The following KCNMB2 variants were observed in gnomAD, a reference collection of about 807,000 sequenced individuals.
KCNMB2 encodes the protein calcium-activated potassium channel subunit beta-2.
A neutral mutation model predicts 24.5 loss-of-function variants in KCNMB2; 9 were observed. The observed-to-expected ratio is 0.37, with a 90% confidence interval of 0.22 to 0.64. The LOEUF (loss-of-function observed/expected upper bound fraction) is 0.64. KCNMB2 is among the 30% of genes least tolerant of loss of function. KCNMB2 has a pLI of 0.63. For synonymous variants in KCNMB2, 109 were observed against 104.4 expected (o/e 1.04, Z -0.27); for missense variants, 226 against 284.3 (o/e 0.79, Z 1.47).
intron 1 of KCNMB2, among the ~76,000 whole-genome samples, chr3:178,598,280 C>T (rs748647317): frequency 4.6e-5 from 7 of 152,008 alleles, no homozygotes; most frequent in Non-Finnish European, 1.0e-4. Context: ...CAAGAGATAG[C>T]GACATAGCGC....
intron 1 of KCNMB2, among the ~76,000 whole-genome samples, chr3:178,679,027 TTTTTG>T (rs1721170722): frequency 3.4e-5 from 5 of 146,384 alleles, no homozygotes; most frequent in South Asian, 4.6e-4. Flanking sequence ...TATCAGTTTT[TTTTTG>T]TTTGTTTGTT....
chr3:178,735,220 T>C (rs992859271), intron 1 of KCNMB2, among the ~76,000 whole-genome samples: 3 of 152,226 alleles, frequency 2.0e-5, no homozygotes, highest in South Asian at 2.1e-4. Context: ...AGTCTGCCCC[T>C]GGGCAGCATC....
In KCNMB2 at chr3:178,629,241, T is replaced by A. The variant is rs7623144; in HGVS notation, c.-68+92530T>A. Among the ~76,000 whole-genome samples the A allele has an allele frequency of 8.4e-3, 1,274 of 152,274 alleles. 13 individuals are homozygous for A. The highest frequency in any genetic ancestry group is 0.024 in the South Asian group (115 of 4,820). Reference sequence around the variant, plus strand: ...AGTCTTACATTTTTCTGCATTTATATATCTGTTCATTCTACTCATCTGGAT... The same window carrying A: ...AGTCTTACATTTTTCTGCATTTATAAATCTGTTCATTCTACTCATCTGGAT... On this transcript the variant is annotated intron_variant, in intron 1 of 4. Transcript: ENST00000452583.
intron 4 of KCNMB2, among the ~76,000 whole-genome samples, chr3:178,835,787 C>A (rs1204676774): frequency 1.3e-5 from 2 of 151,966 alleles, no homozygotes; most frequent in Admixed American, 6.6e-5. Flanking sequence ...TTTTACAGTA[C>A]ATGTGTGGCC....
rs1025028296 is a variant in KCNMB2 at position 178,652,012 on chromosome 3, C to T, written c.-68+115301C>T. 8.5e-4 allele frequency among the ~76,000 whole-genome samples: 129 copies of T among 152,110 alleles called. 1 individual carries two copies. Among genetic ancestry groups the T allele is most frequent in the African/African-American group, 3.1e-3 (127 of 41,396 alleles). On this transcript the variant is annotated intron_variant, in intron 1 of 4. Transcript: ENST00000452583. ...ATACCATTCAGGACATAGGCATGGG[C>T]AAAGACTTCATGACTAAAACACCAA...
intron 1 of KCNMB2, among the ~76,000 whole-genome samples, chr3:178,556,641 G>A (rs1324176716): frequency 4.6e-5 from 7 of 152,114 alleles, no homozygotes; most frequent in African/African-American, 9.7e-5. Context: ...TGCTGACCTC[G>A]TGATCCACCC....
intron 1 of KCNMB2, among the ~76,000 whole-genome samples, chr3:178,589,651 A>T (rs546951315): frequency 6.6e-6 from 1 of 152,020 alleles, no homozygotes; most frequent in Non-Finnish European, 1.5e-5. Context: ...ACAAATTTTA[A>T]AATATTTTTG....
chr3:178,722,604 C>T (rs529351533), intron 1 of KCNMB2, among the ~76,000 whole-genome samples: 1 of 152,218 alleles, frequency 6.6e-6, no homozygotes, highest in South Asian at 2.1e-4. Context: ...CTAAATGGTC[C>T]CACCTTTGGC....
rs1715522440 is a variant in KCNMB2, at chr3:178,844,055, T to C, written c.*1118T>C. On this transcript the variant is annotated 3_prime_UTR_variant, in exon 5 of 5. Transcript: ENST00000452583. ...ATAGATCTTTTTTCTAACACATATT[T>C]GAACTGAATAACAGACTTAAAGAAA... is the stretch of plus-strand genomic sequence containing the variant. 6.6e-6 allele frequency: 1 copy of C among 152,564 alleles called. No homozygotes were observed. The highest frequency in any genetic ancestry group is 1.5e-5 in the Non-Finnish European group (1 of 67,982). The allele number at this position is 152,564 out of a possible 1,614,324, so 9.5% of individuals were successfully genotyped here.
At chr3:178,778,803 C>T (rs1447591312) in intron 1 of KCNMB2, among the ~76,000 whole-genome samples, 1 of 152,168 alleles carries the variant, frequency 6.6e-6, no homozygotes, top group African/African-American at 2.4e-5. Flanking sequence ...CTTACCACCA[C>T]CTGCACAAGA....
chr3:178,665,745 C>A (rs1455871234), intron 1 of KCNMB2, among the ~76,000 whole-genome samples: 2 of 152,160 alleles, frequency 1.3e-5, no homozygotes, highest in African/African-American at 4.8e-5. Context: ...AAGTTTCTAT[C>A]CTCGTACAGT....
At position 178,759,372 on chromosome 3, in the gene KCNMB2, G is replaced by GAT. The variant is rs1222364329; in HGVS notation, c.-67-47954_-67-47953dup. Among the ~76,000 whole-genome samples the GAT allele has an allele frequency of 1.5e-3, 27 of 17,772 alleles. 2 individuals carry two copies. Among genetic ancestry groups the GAT allele is most frequent in the Non-Finnish European group, 1.8e-3 (19 of 10,844 alleles). The allele number at this position is 17,772 out of a possible 152,430, so 11.7% of individuals were successfully genotyped here. A position where few individuals can be genotyped will look rare whatever the true frequency, so the allele number is the denominator to read the frequency against. The stretch of plus-strand genomic sequence containing the variant: ...ATATATATATATATATCTCCAAGAG[G>GAT]ATATATATATATATATATCTCTCCA... On this transcript the variant is annotated intron_variant, in intron 1 of 4. Transcript: ENST00000452583.
At chr3:178,810,250 C>A (rs889969264) in intron 2 of KCNMB2, among the ~76,000 whole-genome samples, 1 of 152,138 alleles carries the variant, frequency 6.6e-6, no homozygotes, top group Non-Finnish European at 1.5e-5. Flanking sequence ...ACAGCACTGC[C>A]TCAAATTGCT....
At chr3:178,795,049 C>G (rs906921398) in intron 1 of KCNMB2, 1 of 152,072 alleles carries the variant, frequency 6.6e-6, no homozygotes, top group Non-Finnish European at 1.5e-5. Flanking sequence ...TCAGGGAAAC[C>G]TGAACTGATT....
At chr3:178,609,775 T>C (rs1718414730) in intron 1 of KCNMB2, among the ~76,000 whole-genome samples, 1 of 152,062 alleles carries the variant, frequency 6.6e-6, no homozygotes, top group African/African-American at 2.4e-5. Flanking sequence ...TATCTGGGAC[T>C]ACAGGCATGC....
At chr3:178,805,772 G>A (rs1439426380) in intron 1 of KCNMB2, among the ~76,000 whole-genome samples, 3 of 152,020 alleles carry the variant, frequency 2.0e-5, no homozygotes, top group African/African-American at 7.3e-5. Context: ...TGGAACTACA[G>A]GCACACACTA....
intron 1 of KCNMB2, among the ~76,000 whole-genome samples, chr3:178,777,926 T>G (rs1215175282): frequency 1.3e-5 from 2 of 152,192 alleles, no homozygotes; most frequent in Non-Finnish European, 2.9e-5. Context: ...TAGGGATGTG[T>G]CACATCATCT....
rs557852989 is a variant in KCNMB2 at position 178,622,653 on chromosome 3, T to C, written c.-68+85942T>C. On this transcript the variant is annotated intron_variant, in intron 1 of 4. Transcript: ENST00000452583. ...CTTGAGTTGCCCCAGTTCTGAACCTTGATCTTGCTGTGATTCCTGAAAACC... is the reference window on the plus strand; with the variant it reads ...CTTGAGTTGCCCCAGTTCTGAACCTCGATCTTGCTGTGATTCCTGAAAACC... Among the ~76,000 whole-genome samples, 19 of 152,306 alleles carry C rather than the reference T, an allele frequency of 1.2e-4. 2 individuals are homozygous for C. Among genetic ancestry groups the C allele is most frequent in the African/African-American group, 4.6e-4 (19 of 41,572 alleles).
At chr3:178,607,230 A>T (rs550719326) in intron 1 of KCNMB2, among the ~76,000 whole-genome samples, 32 of 152,332 alleles carry the variant, frequency 2.1e-4, no homozygotes, top group African/African-American at 7.2e-4. Context: ...CGGGGCAGGT[A>T]TACAGTGCAG....
Sources: allele counts gnomAD v4.1 joint callset (sites outside exome capture counted in the v4.1 genomes callset), GRCh38; gene constraint gnomAD v4.1.1; transcripts MANE v1.5; gene names NCBI Gene and HGNC (gene_info 2026-07-23, HGNC 2026-07-21).